LIPF: variants seen among roughly 807,000 people sequenced by gnomAD.
LIPF encodes lipase F, gastric type.
Under a neutral mutation model 38.0 loss-of-function variants are expected in LIPF, and 25 were observed. The ratio of observed to expected loss-of-function variants is 0.66; its 90% CI spans 0.48 to 0.92. The LOEUF (loss-of-function observed/expected upper bound fraction) is 0.92, where lower values mean the gene tolerates loss of function less well. LIPF is among the 40% of genes least tolerant of loss of function. LIPF has a pLI of 0.00. For synonymous variants in LIPF, 161 were observed against 156.2 expected, an observed-to-expected ratio of 1.03 and a Z score of -0.23; for missense variants, 410 against 469.9, an observed-to-expected ratio of 0.87 and a Z score of 1.18.
At chr10:88,669,749 C>A in intron 4 of LIPF, 88 bp from the exon 5 acceptor site, 1 of 917,244 alleles carries the variant, frequency 1.1e-6, no homozygotes, top group Non-Finnish European at 1.7e-6. Context: ...TTTCTGTATC[C>A]CAAAGGGATC....
intron 7 of LIPF, among the ~76,000 whole-genome samples, chr10:88,674,237 C>T (rs4333926): frequency 6.6e-6 from 1 of 151,920 alleles, no homozygotes; most frequent in Non-Finnish European, 1.5e-5. Flanking sequence ...GGCGCAATCT[C>T]GGCTCATAGC....
intron 4 of LIPF, chr10:88,669,595 C>T (rs1335777124): frequency 3.1e-6 from 1 of 323,350 alleles, no homozygotes; most frequent in Non-Finnish European, 5.7e-6. Context: ...ATAATTCCCA[C>T]CTACAGATAC....
chr10:88,668,481 G>C, intron 3 of LIPF, 77 bp from the exon 4 acceptor site: 2 of 1,281,036 alleles, frequency 1.6e-6, no homozygotes, highest in Non-Finnish European at 2.2e-6. Context: ...TAGTCATATG[G>C]AAGACTGTTT....
At chr10:88,674,012 C>A (rs1299741979) in intron 7 of LIPF, among the ~76,000 whole-genome samples, 2 of 152,148 alleles carry the variant, frequency 1.3e-5, no homozygotes, top group Non-Finnish European at 2.9e-5. Context: ...CATTTAAATT[C>A]TGTAAGAGAA....
At chr10:88,673,901 A>G (rs1394384582) in intron 7 of LIPF, among the ~76,000 whole-genome samples, 167 bp downstream of exon 7, 3 of 152,138 alleles carry the variant, frequency 2.0e-5, no homozygotes, top group Non-Finnish European at 2.9e-5. Flanking sequence ...AATCACTTCC[A>G]GCATCCTTCC....
chr10:88,667,204 C>A (rs1841524194), intron 1 of LIPF, 83 bp from the exon 2 acceptor site: 6 of 742,480 alleles, frequency 8.1e-6, no homozygotes, highest in South Asian at 7.4e-5. Context: ...CTCTACTTAG[C>A]ACAAAGGTAA....
intron 5 of LIPF, among the ~76,000 whole-genome samples, chr10:88,670,705 T>C (rs1018340950): frequency 1.3e-5 from 2 of 152,150 alleles, no homozygotes; most frequent in Non-Finnish European, 2.9e-5. Context: ...ATCACAGATG[T>C]TGGGGAGGAA....
intron 4 of LIPF, chr10:88,669,591 C>T (rs1841563667): frequency 3.2e-6 from 1 of 308,546 alleles, no homozygotes. Context: ...AGAAATAATT[C>T]CCACCTACAG....
chr10:88,667,495 T>A (rs1841530814), intron 2 of LIPF, 74 bp from the exon 3 acceptor site: 1 of 1,042,022 alleles, frequency 9.6e-7, no homozygotes, highest in Non-Finnish European at 1.5e-6. Flanking sequence ...CAATTAAAAA[T>A]AAACAGTAAT....
chr10:88,673,470 G>A, intron 6 of LIPF, 118 bp from the exon 7 acceptor site: 1 of 819,348 alleles, frequency 1.2e-6, no homozygotes, highest in Non-Finnish European at 1.9e-6. Context: ...AAAACAACAT[G>A]TAAGAATAAG....
intron 1 of LIPF, chr10:88,665,598 T>G: frequency 6.7e-7 from 1 of 1,487,868 alleles, no homozygotes; most frequent in Non-Finnish European, 9.1e-7. Flanking sequence ...GCAAATCACT[T>G]AATGGAGGTC....
intron 1 of LIPF, chr10:88,665,468 T>A (rs1283870344): frequency 1.7e-6 from 2 of 1,164,638 alleles, no homozygotes; most frequent in Non-Finnish European, 2.5e-6. Context: ...TAATTACTGG[T>A]ATTTTCCTAG....
chr10:88,671,047 G>T (rs1841589014), intron 5 of LIPF, among the ~76,000 whole-genome samples: 1 of 152,110 alleles, frequency 6.6e-6, no homozygotes, highest in African/African-American at 2.4e-5. Context: ...ATTGACAGTG[G>T]GAGGGCCTTG....
intron 9 of LIPF, 88 bp downstream of exon 9, chr10:88,676,368 A>G: frequency 2.5e-6 from 2 of 787,040 alleles, no homozygotes; most frequent in Non-Finnish European, 4.2e-6. Context: ...TTAACTGCGC[A>G]TCTGTTTTCC....
At chr10:88,668,475 C>T (rs1020778574) in intron 3 of LIPF, 83 bp from the exon 4 acceptor site, 1 of 1,173,372 alleles carries the variant, frequency 8.5e-7, no homozygotes, top group Non-Finnish European at 1.2e-6. Flanking sequence ...TAGTGCTAGT[C>T]ATATGGAAGA....
intron 3 of LIPF, among the ~76,000 whole-genome samples, chr10:88,668,265 T>G (rs1841544191): frequency 6.6e-6 from 1 of 152,208 alleles, no homozygotes; most frequent in Non-Finnish European, 1.5e-5. Flanking sequence ...TTTACCAAAT[T>G]TAACATTGTG....
intron 1 of LIPF, among the ~76,000 whole-genome samples, chr10:88,666,345 A>G (rs1841512325): frequency 6.6e-6 from 1 of 152,218 alleles, no homozygotes; most frequent in African/African-American, 2.4e-5. Context: ...CCTAACATAC[A>G]ATTTCTCAAT....
intron 5 of LIPF, among the ~76,000 whole-genome samples, chr10:88,671,575 A>C (rs1350435528): frequency 6.6e-6 from 1 of 152,126 alleles, no homozygotes; most frequent in Non-Finnish European, 1.5e-5. Context: ...AATTTGGTCT[A>C]TTTTCTAAGG....
chr10:88,673,574 C>T lies in LIPF; in HGVS notation c.670-14C>T, dbSNP rs991683531. 6.3e-7 allele frequency: 1 copy of T among 1,598,942 alleles called. No homozygotes were observed. Among genetic ancestry groups the T allele is most frequent in the Non-Finnish European group, 8.5e-7 (1 of 1,170,422 alleles). On this transcript the variant is annotated splice_polypyrimidine_tract_variant and intron_variant, in intron 6 of 9. Transcript: ENST00000238983. Reference sequence around the variant, plus strand: ...TGATTGCTACAACCCTCTAATAGTGCCTTTATTTTTCAGTTTATATTTGGT... The same window carrying T: ...TGATTGCTACAACCCTCTAATAGTGTCTTTATTTTTCAGTTTATATTTGGT...
Sources: allele counts gnomAD v4.1 joint callset (sites outside exome capture counted in the v4.1 genomes callset), GRCh38; gene constraint gnomAD v4.1.1; transcripts MANE v1.5; gene names NCBI Gene and HGNC (gene_info 2026-07-23, HGNC 2026-07-21).